Variants in SGCD observed in about 807,000 individuals in gnomAD.
SGCD encodes the protein delta-sarcoglycan.
In SGCD, 18 loss-of-function variants were observed where a neutral mutation model predicts 36.6. That is an observed-to-expected ratio of 0.49 (90% confidence interval 0.34 to 0.73). The LOEUF is 0.73. Ranked by LOEUF, SGCD falls within the 30% of genes least tolerant of loss-of-function variation. SGCD has a pLI of 0.01. For missense variants in SGCD, 387 were observed against 346.7 expected (o/e 1.12, Z -0.92); for synonymous variants, 133 against 130.6 (o/e 1.02, Z -0.12).
chr5:155,912,009 A>G (rs899245481), intron 1 of SGCD, among the ~76,000 whole-genome samples: 2 of 151,748 alleles, frequency 1.3e-5, no homozygotes, highest in African/African-American at 4.8e-5. Context: ...TGTGCATAAC[A>G]CTTTCCTCTT....
chr5:156,472,821 C>T (rs144693085), intron 3 of SGCD, among the ~76,000 whole-genome samples: 122 of 152,212 alleles, frequency 8.0e-4, no homozygotes, highest in African/African-American at 2.8e-3. Context: ...ATTTCAAGTA[C>T]AGATAAAACT....
intron 3 of SGCD, among the ~76,000 whole-genome samples, chr5:156,367,706 T>A (rs889447838): frequency 2.6e-5 from 4 of 152,186 alleles, no homozygotes; most frequent in African/African-American, 4.8e-5. Context: ...TGTGGAATGG[T>A]CCTAACCACA....
chr5:156,475,517 G>A (rs973199139), intron 3 of SGCD, among the ~76,000 whole-genome samples: 1 of 152,162 alleles, frequency 6.6e-6, no homozygotes, highest in Non-Finnish European at 1.5e-5. Context: ...TTGCTGACTG[G>A]TTCTATCATT....
rs1756737862 is a variant in SGCD, at chr5:156,507,140, T to C, written c.193-1461T>C. Among the ~76,000 whole-genome samples the C allele has an allele frequency of 2.6e-5, 4 of 152,282 alleles. No homozygotes were observed. The South Asian group carries it at 8.3e-4, about 32-fold the overall frequency. On this transcript the variant is annotated intron_variant, in intron 3 of 8. Transcript: ENST00000337851. ...TATTATATTACATGGAAAAGGGCAA[T>C]TGAGATTGCAGATAGAATTACAATT...
intron 3 of SGCD, among the ~76,000 whole-genome samples, chr5:156,459,082 GA>G (rs923572340): frequency 2.6e-5 from 4 of 151,738 alleles, no homozygotes; most frequent in African/African-American, 9.7e-5. Context: ...AAAGTGAAGG[GA>G]AAAAAAATCA....
upstream of SGCD, among the ~76,000 whole-genome samples, chr5:156,321,886 T>C (rs1192335974): frequency 6.6e-6 from 1 of 152,212 alleles, no homozygotes; most frequent in African/African-American, 2.4e-5. Flanking sequence ...AGTTTTATGA[T>C]TGAGTACATC....
intron 4 of SGCD, among the ~76,000 whole-genome samples, chr5:156,524,950 T>TAC (rs1757582009): frequency 6.6e-6 from 1 of 152,124 alleles, no homozygotes; most frequent in Non-Finnish European, 1.5e-5. Context: ...TGTGTATATA[T>TAC]ACCATATTTT....
At chr5:156,403,505 T>A (rs1772261538) in intron 3 of SGCD, among the ~76,000 whole-genome samples, 3 of 152,262 alleles carry the variant, frequency 2.0e-5, no homozygotes, top group African/African-American at 7.2e-5. Flanking sequence ...TTGTAATGAC[T>A]TCCCTTTGGA....
intron 3 of SGCD, among the ~76,000 whole-genome samples, chr5:156,385,901 T>C (rs1219810867): frequency 6.6e-6 from 1 of 152,208 alleles, no homozygotes; most frequent in African/African-American, 2.4e-5. Flanking sequence ...TCACAGGTCT[T>C]TTTCATTACT....
chr5:156,236,396 CACATACAACTGAA>C (rs914797086), intron 3 of SGCD, among the ~76,000 whole-genome samples: 32 of 151,956 alleles, frequency 2.1e-4, no homozygotes, highest in African/African-American at 6.0e-4. Flanking sequence ...GATAATTTTA[CACATACAACTGAA>C]ACATACAACT....
At chr5:156,362,073 A>G (rs1418862881) in intron 3 of SGCD, among the ~76,000 whole-genome samples, 2 of 152,218 alleles carry the variant, frequency 1.3e-5, no homozygotes, top group African/African-American at 4.8e-5. Context: ...TAGGCTGTCT[A>G]TGTGTAGTGT....
chr5:155,990,943 C>A (rs943681887), intron 1 of SGCD, among the ~76,000 whole-genome samples: 4 of 152,138 alleles, frequency 2.6e-5, no homozygotes, highest in Admixed American at 1.3e-4. Context: ...TCTGAGTCAG[C>A]CATTCTCAAT....
chr5:155,802,091 C>G, the SGCD span, among the ~76,000 whole-genome samples: 1 of 152,150 alleles, frequency 6.6e-6, no homozygotes, highest in East Asian at 1.9e-4. Context: ...CAAGCTGGGT[C>G]AGATGAAGTG....
At chr5:155,925,240 C>T (rs1299604791) in intron 1 of SGCD, among the ~76,000 whole-genome samples, 1 of 152,190 alleles carries the variant, frequency 6.6e-6, no homozygotes, top group Non-Finnish European at 1.5e-5. Context: ...TAAGAACTTG[C>T]TGCTGAATTT....
intron 3 of SGCD, among the ~76,000 whole-genome samples, chr5:156,185,439 C>A (rs186921476): frequency 8.5e-4 from 130 of 152,116 alleles, no homozygotes; most frequent in African/African-American, 3.1e-3. Flanking sequence ...TGGTCTCGAT[C>A]TCCTGACCTT....
intron 6 of SGCD, among the ~76,000 whole-genome samples, chr5:156,618,619 G>T (rs892146670): frequency 7.6e-5 from 11 of 145,488 alleles, no homozygotes; most frequent in Non-Finnish European, 1.5e-4. Flanking sequence ...AAAAGAGCCA[G>T]TCCGAAAACC....
At chr5:156,435,978 T>C (rs573542396) in intron 3 of SGCD, among the ~76,000 whole-genome samples, 2 of 152,286 alleles carry the variant, frequency 1.3e-5, no homozygotes, top group South Asian at 4.1e-4. Context: ...TATTCTTTCC[T>C]CCAAGTAGCT....
intron 3 of SGCD, among the ~76,000 whole-genome samples, chr5:156,493,275 G>C (rs1056341612): frequency 2.0e-5 from 3 of 152,080 alleles, no homozygotes; most frequent in Non-Finnish European, 4.4e-5. Flanking sequence ...AAATCTATTA[G>C]CAATGTTGAC....
intron 1 of SGCD, among the ~76,000 whole-genome samples, chr5:155,946,804 C>G (rs1179898989): frequency 6.6e-6 from 1 of 152,206 alleles, no homozygotes; most frequent in African/African-American, 2.4e-5. Context: ...GATTTTCCTC[C>G]TTTGGCCAGT....
Sources: gnomAD v4.1 joint callset for allele counts (sites outside exome capture counted in the v4.1 genomes callset) on GRCh38, gnomAD v4.1.1 for gene constraint, MANE v1.5 for transcripts, NCBI Gene and HGNC (gene_info 2026-07-23, HGNC 2026-07-21) for gene names.